Variants in KIF6 observed in about 807,000 individuals in gnomAD.
KIF6 encodes kinesin family member 6.
In KIF6, 106 loss-of-function variants were observed where a neutral mutation model predicts 112.7. That is an observed-to-expected ratio of 0.94 (90% CI 0.80 to 1.11). The LOEUF is 1.11. Among genes scored for constraint, KIF6 ranks in the 50% least tolerant of loss-of-function variants. KIF6 has a pLI of 0.00. For synonymous variants in KIF6, 339 were observed against 339.9 expected, an observed-to-expected ratio of 1.00 and a Z score of 0.03; for missense variants, 929 against 964.0, an observed-to-expected ratio of 0.96 and a Z score of 0.48.
chr6:39,542,791 G>C (rs1306860964), intron 12 of KIF6, among the ~76,000 whole-genome samples: 1 of 152,122 alleles, frequency 6.6e-6, no homozygotes, highest in African/African-American at 2.4e-5. Context: ...CAGGTCTTAT[G>C]GTCCTGCTCC....
At chr6:39,652,982 TA>T (rs1291087674) in intron 3 of KIF6, among the ~76,000 whole-genome samples, 1 of 152,214 alleles carries the variant, frequency 6.6e-6, no homozygotes, top group Non-Finnish European at 1.5e-5. Context: ...AAAAATAACT[TA>T]AAAGTCTTAG....
chr6:39,630,600 C>T (rs2150751159), intron 5 of KIF6, among the ~76,000 whole-genome samples: 1 of 152,138 alleles, frequency 6.6e-6, no homozygotes, highest in African/African-American at 2.4e-5. Flanking sequence ...AGATGTTCTA[C>T]ATAGATAATT....
At chr6:39,373,105 C>A (rs769453642) in intron 16 of KIF6, among the ~76,000 whole-genome samples, 14 of 152,182 alleles carry the variant, frequency 9.2e-5, no homozygotes, top group Non-Finnish European at 1.9e-4. Context: ...TCTAGTCTAG[C>A]AGATGAGATG....
Position 39,677,903 on chromosome 6 carries a change from G to C in KIF6, c.251+36789C>G, listed in dbSNP as rs935569127. On this transcript the variant is annotated intron_variant, in intron 3 of 22. Coordinates refer to ENST00000287152, the MANE Select transcript of KIF6 (RefSeq NM_145027.6). ...CTGCATAGTATTCCATGGTGTATAT[G>C]TGCCACATTTTCTTAATCCAGTCTA... Among the ~76,000 whole-genome samples, 3 of 141,264 alleles carry C rather than the reference G, an allele frequency of 2.1e-5. No individual in the cohort carries two copies. The South Asian group carries it at 7.1e-4, about 33-fold the overall frequency. 92.7% of individuals were successfully genotyped at this position (141,264 alleles called of 152,430 possible). A position where few individuals can be genotyped will look rare whatever the true frequency, so the allele number is the denominator to read the frequency against.
At chr6:39,447,202 A>G (rs1772386013) in intron 13 of KIF6, among the ~76,000 whole-genome samples, 1 of 152,182 alleles carries the variant, frequency 6.6e-6, no homozygotes, top group African/African-American at 2.4e-5. Flanking sequence ...CCACAGTAAC[A>G]ACCTCATCTC....
intron 17 of KIF6, among the ~76,000 whole-genome samples, chr6:39,361,071 G>T (rs1208036741): frequency 1.3e-5 from 2 of 152,198 alleles, no homozygotes; most frequent in Admixed American, 1.3e-4. Flanking sequence ...CCTTCATGCT[G>T]AGGACCAAAA....
chr6:39,634,500 G>C (rs925772952), intron 5 of KIF6, among the ~76,000 whole-genome samples: 2 of 151,980 alleles, frequency 1.3e-5, no homozygotes, highest in African/African-American at 4.8e-5. Flanking sequence ...TTCTCAGAAA[G>C]AGGCCACAAT....
chr6:39,709,330 G>A (rs1028063051), intron 3 of KIF6, among the ~76,000 whole-genome samples: 10 of 152,108 alleles, frequency 6.6e-5, no homozygotes, highest in East Asian at 1.9e-4. Context: ...AAACTGTTCC[G>A]CCCCAGATCA....
rs377508148 is a variant in KIF6 at position 39,540,171 on chromosome 6, G to C, written c.1477C>G (p.Leu493Val). ...KKEKKKAQEALHLAGMDRREF... is the reference protein window; with the variant it reads ...KKEKKKAQEAVHLAGMDRREF... ...CGTCTATCCATGCCAGCCAAGTGGA[G>C]AGCCTCCTGAGCTTTCTTCTTTTCT... The change falls in exon 13 of 23, where the codon CTC becomes GTC. Residue 493 changes from leucine (L) to valine (V), a missense_variant. Transcript: ENST00000287152. The C allele has an allele frequency of 1.9e-6, 3 of 1,613,262 alleles. No individual in the cohort carries two copies. Among genetic ancestry groups the C allele is most frequent in the African/African-American group, 2.7e-5 (2 of 74,842 alleles).
At chr6:39,691,508 T>C (rs1268770964) in intron 3 of KIF6, 1 of 152,302 alleles carries the variant, frequency 6.6e-6, no homozygotes, top group East Asian at 1.9e-4. Context: ...TTCAATATTT[T>C]TGGCTACATA....
chr6:39,378,620 A>G lies in KIF6; in HGVS notation c.1861+7002T>C, dbSNP rs892102908. Among the ~76,000 whole-genome samples, 3 of 152,154 alleles carry G rather than the reference A, an allele frequency of 2.0e-5. No homozygotes were observed. The highest frequency in any genetic ancestry group is 4.4e-5 in the Non-Finnish European group (3 of 68,024). ...CCTGTGGTCTTGGTGACAACCCCCC[A>G]GGGCCACTCCTTCTGGTAAGAACGG... On this transcript the variant is annotated intron_variant, in intron 16 of 22. Coordinates refer to ENST00000287152, the MANE Select transcript of KIF6 (RefSeq NM_145027.6). The surrounding 1 kb of genome is among the most constrained non-coding windows in gnomAD (Gnocchi z 5.0).
rs1288059663 is a variant in KIF6 at position 39,378,513 on chromosome 6, C to A, written c.1861+7109G>T. On this transcript the variant is annotated intron_variant, in intron 16 of 22. Coordinates refer to ENST00000287152, the MANE Select transcript of KIF6 (RefSeq NM_145027.6). This position sits in a 1 kb window ranked among gnomAD's most constrained non-coding sequence, Gnocchi z 5.0. ...TACATACACAACAGACACACGCATACACACACCCCAACTAACCCAAACTAT... is the reference window on the plus strand; with the variant it reads ...TACATACACAACAGACACACGCATAAACACACCCCAACTAACCCAAACTAT... Among the ~76,000 whole-genome samples the A allele has an allele frequency of 3.9e-5, 6 of 152,088 alleles. No homozygotes were observed. The highest frequency in any genetic ancestry group is 1.4e-4 in the African/African-American group (6 of 41,416).
intron 15 of KIF6, among the ~76,000 whole-genome samples, chr6:39,404,120 C>T (rs1768914077): frequency 6.6e-6 from 1 of 152,168 alleles, no homozygotes; most frequent in African/African-American, 2.4e-5. Context: ...CAGTCTGTCA[C>T]TTGTCTTTTC....
intron 13 of KIF6, among the ~76,000 whole-genome samples, chr6:39,472,532 G>A (rs1406373311): frequency 1.3e-5 from 2 of 152,152 alleles, no homozygotes; most frequent in African/African-American, 4.8e-5. Context: ...AAGCAGATTT[G>A]TGGGGCTTTT....
intron 20 of KIF6, chr6:39,346,220 C>A: frequency 1.7e-6 from 1 of 591,284 alleles, no homozygotes; most frequent in Non-Finnish European, 3.1e-6. Flanking sequence ...GGAAGGAAGC[C>A]CTCAGCAGGA....
intron 3 of KIF6, among the ~76,000 whole-genome samples, chr6:39,684,428 C>T (rs911444361): frequency 6.6e-6 from 1 of 151,886 alleles, no homozygotes; most frequent in African/African-American, 2.4e-5. Flanking sequence ...CCAGCCTGAC[C>T]AACATGGAGA....
chr6:39,512,533 G>A (rs1418370383), intron 13 of KIF6, among the ~76,000 whole-genome samples: 1 of 152,164 alleles, frequency 6.6e-6, no homozygotes, highest in Non-Finnish European at 1.5e-5. Context: ...TCCCAAGTCA[G>A]GGTTCTTAAA....
chr6:39,425,824 G>T (rs550202436), intron 14 of KIF6, among the ~76,000 whole-genome samples: 1 of 151,332 alleles, frequency 6.6e-6, no homozygotes, highest in Non-Finnish European at 1.5e-5. Flanking sequence ...AAATCATAAG[G>T]GTTAAAATGA....
intron 15 of KIF6, among the ~76,000 whole-genome samples, chr6:39,406,727 G>C (rs1042693669): frequency 6.6e-6 from 1 of 152,006 alleles, no homozygotes; most frequent in Non-Finnish European, 1.5e-5. Flanking sequence ...TAGGTGATTT[G>C]GAAATGTGTT....
Sources: allele counts gnomAD v4.1 joint callset (sites outside exome capture counted in the v4.1 genomes callset), GRCh38; gene constraint gnomAD v4.1.1; non-coding constraint Gnocchi (gnomAD v3.1); transcripts MANE v1.5; gene names NCBI Gene and HGNC (gene_info 2026-07-23, HGNC 2026-07-21).